CIT: variants seen among roughly 807,000 people sequenced by gnomAD.
CIT encodes the protein citron Rho-interacting kinase.
Under a neutral mutation model 272.7 loss-of-function variants are expected in CIT, and 79 were observed. The ratio of observed to expected loss-of-function variants is 0.29; its 90% CI spans 0.24 to 0.35. CIT has a LOEUF of 0.35. CIT is among the 10% of genes least tolerant of loss of function. CIT has a pLI of 1.00. For synonymous variants in CIT, 948 were observed against 995.6 expected (o/e 0.95, Z 0.90); for missense variants, 1,909 against 2,618.3 (o/e 0.73, Z 5.91).
chr12:119,724,730 G>T (rs1957988705), intron 28 of CIT, among the ~76,000 whole-genome samples: 1 of 152,174 alleles, frequency 6.6e-6, no homozygotes, highest in Non-Finnish European at 1.5e-5. Context: ...ACGAGGTCAA[G>T]AGATCGAGAC....
chr12:119,819,481 T>C (rs2138017919), intron 9 of CIT, among the ~76,000 whole-genome samples: 1 of 152,336 alleles, frequency 6.6e-6, no homozygotes, highest in East Asian at 1.9e-4. Context: ...ATTGCATTTA[T>C]ATATCCTGCC....
At chr12:119,856,552 C>A (rs1004270800) in intron 4 of CIT, among the ~76,000 whole-genome samples, 2 of 152,008 alleles carry the variant, frequency 1.3e-5, no homozygotes, top group African/African-American at 4.8e-5. Context: ...CACACACACA[C>A]ACCCACACAC....
intron 8 of CIT, among the ~76,000 whole-genome samples, chr12:119,824,231 G>C (rs188107275): frequency 6.2e-4 from 94 of 151,146 alleles, no homozygotes; most frequent in African/African-American, 2.1e-3. Context: ...GTACTAAGAA[G>C]GAGTATATCG....
chr12:119,862,736 G>C (rs113318761), intron 3 of CIT, among the ~76,000 whole-genome samples: 9,052 of 140,968 alleles, frequency 0.064, 544 homozygotes, highest in African/African-American at 0.16. Flanking sequence ...CTTGAACTCA[G>C]GAGGTGGAGG....
chr12:119,777,416 A>T (rs955031130), intron 13 of CIT, among the ~76,000 whole-genome samples: 20 of 152,150 alleles, frequency 1.3e-4, no homozygotes, highest in Non-Finnish European at 2.4e-4. Flanking sequence ...TCATGCCTGT[A>T]ATCCCAGAAC....
At chr12:119,715,108 G>T (rs925477879) in intron 32 of CIT, among the ~76,000 whole-genome samples, 1 of 152,100 alleles carries the variant, frequency 6.6e-6, no homozygotes, top group African/African-American at 2.4e-5. Context: ...TTTATAAGGG[G>T]AAACCCCTCT....
chr12:119,826,027 C>T (rs998668311), intron 7 of CIT, among the ~76,000 whole-genome samples: 1 of 152,056 alleles, frequency 6.6e-6, no homozygotes, highest in African/African-American at 2.4e-5. Flanking sequence ...AAGATTGCGC[C>T]ATTACACTGC....
chr12:119,696,729 A>G (rs1956244767), intron 46 of CIT, among the ~76,000 whole-genome samples: 1 of 151,984 alleles, frequency 6.6e-6, no homozygotes, highest in Non-Finnish European at 1.5e-5. Flanking sequence ...GTTTTACCAC[A>G]TTGCCCAGGC....
chr12:119,706,931 C>G (rs909942347), intron 40 of CIT, among the ~76,000 whole-genome samples: 10 of 152,170 alleles, frequency 6.6e-5, no homozygotes. Context: ...TTTTTCTCCA[C>G]GACCTCACCA....
chr12:119,789,500 T>C (rs1275879975), intron 10 of CIT, among the ~76,000 whole-genome samples: 3 of 152,218 alleles, frequency 2.0e-5, no homozygotes, highest in Admixed American at 2.0e-4. Flanking sequence ...TGAATTTCTA[T>C]AAAAGAAATA....
In CIT at chr12:119,784,336, T is replaced by C; in HGVS notation, c.1402-285A>G. The C allele has an allele frequency of 7.2e-7, 1 of 1,388,632 alleles. No individual in the cohort carries two copies. Among genetic ancestry groups the C allele is most frequent in the Non-Finnish European group, 9.5e-7 (1 of 1,054,556 alleles). The allele number at this position is 1,388,632 out of a possible 1,614,324, so 86.0% of individuals were successfully genotyped here. A position where few individuals can be genotyped will look rare whatever the true frequency, so the allele number is the denominator to read the frequency against. On this transcript the variant is annotated intron_variant, in intron 11 of 47. Transcript: ENST00000392521. The surrounding 1 kb of genome is among the most constrained non-coding windows in gnomAD (Gnocchi z 4.7). ...AGCCACAATCATCATTTTTCACCTGTTTGCTTTTGTTTTTGTTTTGTTTTT... is the reference window on the plus strand; with the variant it reads ...AGCCACAATCATCATTTTTCACCTGCTTGCTTTTGTTTTTGTTTTGTTTTT...
intron 10 of CIT, among the ~76,000 whole-genome samples, chr12:119,799,016 A>T (rs1283433807): frequency 6.6e-6 from 1 of 152,168 alleles, no homozygotes; most frequent in Admixed American, 6.5e-5. Context: ...TCTGTTCCCC[A>T]ATCCACTCCT....
chr12:119,845,898 G>A (rs947523851), intron 5 of CIT, among the ~76,000 whole-genome samples: 4 of 149,570 alleles, frequency 2.7e-5, no homozygotes, highest in Admixed American at 6.7e-5. Context: ...CCGAGAACAC[G>A]CCACTGCACT....
At chr12:119,849,525 C>G (rs1970057635) in intron 5 of CIT, among the ~76,000 whole-genome samples, 1 of 152,174 alleles carries the variant, frequency 6.6e-6, no homozygotes, top group African/African-American at 2.4e-5. Context: ...GCACTATTAT[C>G]ATTTTTTTAA....
Position 119,770,928 on chromosome 12 carries a change from A to G in CIT, c.2083-18T>C. 1 of 1,612,434 alleles carries G rather than the reference A, an allele frequency of 6.2e-7. No individual in the cohort carries two copies. Among genetic ancestry groups the G allele is most frequent in the Middle Eastern group, 1.6e-4 (1 of 6,062 alleles). On this transcript the variant is annotated intron_variant, in intron 17 of 47. Transcript: ENST00000392521. The surrounding 1 kb of genome is among the most constrained non-coding windows in gnomAD (Gnocchi z 4.4). Reference sequence around the variant, plus strand: ...CGGCGTTCCTGTAGATCATGAATCAATCAGAGAGTTTTAATGGAGTAACCG... The same window carrying G: ...CGGCGTTCCTGTAGATCATGAATCAGTCAGAGAGTTTTAATGGAGTAACCG...
intron 23 of CIT, among the ~76,000 whole-genome samples, chr12:119,751,363 T>C (rs1305579918): frequency 3.0e-5 from 2 of 67,632 alleles, no homozygotes; most frequent in Non-Finnish European, 5.8e-5. Flanking sequence ...TGATCAAATG[T>C]GGGGAAAATG....
intron 44 of CIT, among the ~76,000 whole-genome samples, chr12:119,699,604 C>T (rs774818482): frequency 6.6e-6 from 1 of 152,134 alleles, no homozygotes; most frequent in Non-Finnish European, 1.5e-5. Flanking sequence ...TGGAAGAAGC[C>T]AGCGTGGAAA....
chr12:119,752,350 G>C (rs913602164), intron 22 of CIT, 103 bp from the exon 23 acceptor site: 2 of 1,128,584 alleles, frequency 1.8e-6, no homozygotes, highest in African/African-American at 3.1e-5. Context: ...GCTGAAACCT[G>C]GTCTTGGAAC....
chr12:119,776,419 A>G lies in CIT; in HGVS notation c.1837-11T>C. Reference sequence around the variant, plus strand: ...CCCTTGATCCTTAGCCTGTAATTAAAAAGACACAACATATTGGGAAATCTC... The same window carrying G: ...CCCTTGATCCTTAGCCTGTAATTAAGAAGACACAACATATTGGGAAATCTC... On this transcript the variant is annotated splice_polypyrimidine_tract_variant and intron_variant, in intron 14 of 47. Transcript: ENST00000392521. 6.2e-7 allele frequency: 1 copy of G among 1,612,286 alleles called. No homozygotes were observed. Among genetic ancestry groups the G allele is most frequent in the East Asian group, 2.2e-5 (1 of 44,852 alleles).
Sources: gnomAD v4.1 joint callset for allele counts (sites outside exome capture counted in the v4.1 genomes callset) on GRCh38, gnomAD v4.1.1 for gene constraint, Gnocchi (gnomAD v3.1) non-coding constraint, MANE v1.5 for transcripts, NCBI Gene and HGNC (gene_info 2026-07-23, HGNC 2026-07-21) for gene names.